The following TMEM117 variants were observed in gnomAD, a reference collection of about 807,000 sequenced individuals.
The protein encoded by TMEM117 is transmembrane protein 117.
TMEM117 carries 27 observed loss-of-function variants against 52.4 expected under a neutral mutation model. The observed-to-expected ratio is 0.51, with a 90% CI of 0.38 to 0.71. The LOEUF (loss-of-function observed/expected upper bound fraction) is 0.71. Ranked by LOEUF, TMEM117 falls within the 30% of genes least tolerant of loss-of-function variation. The pLI is 0.00. For missense variants in TMEM117, 556 were observed against 630.5 expected (o/e 0.88, Z 1.26); for synonymous variants, 215 against 206.3 (o/e 1.04, Z -0.36).
At chr12:43,876,061 C>T (rs1481681834) in intron 2 of TMEM117, among the ~76,000 whole-genome samples, 3 of 152,200 alleles carry the variant, frequency 2.0e-5, no homozygotes, top group Non-Finnish European at 4.4e-5. Context: ...TCTTCTTCCT[C>T]TCCTCCAAGA....
the TMEM117 span, among the ~76,000 whole-genome samples, chr12:43,813,973 C>G: frequency 6.6e-6 from 1 of 151,990 alleles, no homozygotes; most frequent in Admixed American, 6.6e-5. Flanking sequence ...GGGCAAAGAT[C>G]CCTAGTAGAT....
intron 6 of TMEM117, among the ~76,000 whole-genome samples, chr12:44,323,328 A>G (rs1189484173): frequency 6.6e-6 from 1 of 152,048 alleles, no homozygotes; most frequent in Non-Finnish European, 1.5e-5. Context: ...AATACACTTG[A>G]TTTTCTCCAC....
intron 5 of TMEM117, chr12:44,244,301 G>C (rs577870853): frequency 1.6e-4 from 24 of 151,982 alleles, no homozygotes; most frequent in Non-Finnish European, 2.8e-4. Flanking sequence ...TTGTCTTCTT[G>C]ATAATAGCTA....
chr12:44,282,582 TTAGGG>T (rs1950591585), intron 5 of TMEM117, among the ~76,000 whole-genome samples: 1 of 152,174 alleles, frequency 6.6e-6, no homozygotes, highest in African/African-American at 2.4e-5. Flanking sequence ...GAAAGATTAT[TTAGGG>T]TATCTGCAGA....
intron 3 of TMEM117, among the ~76,000 whole-genome samples, 165 bp from the exon 4 acceptor site, chr12:44,143,360 T>C (rs1451450159): frequency 1.3e-5 from 2 of 152,242 alleles, no homozygotes; most frequent in Non-Finnish European, 2.9e-5. Flanking sequence ...CCAGACACCC[T>C]GAGAGCTCTT....
chr12:44,180,026 A>G (rs1449654894), intron 4 of TMEM117, among the ~76,000 whole-genome samples: 2 of 152,114 alleles, frequency 1.3e-5, no homozygotes, highest in African/African-American at 4.8e-5. Context: ...AAGGTTTATA[A>G]CTAACACCAC....
At chr12:44,146,389 G>A (rs73290213) in intron 4 of TMEM117, among the ~76,000 whole-genome samples, 4,662 of 152,288 alleles carry the variant, frequency 0.031, 161 homozygotes, top group African/African-American at 0.083. Flanking sequence ...CAAGAAAACC[G>A]TGTTCTAGGT....
intron 4 of TMEM117, among the ~76,000 whole-genome samples, chr12:44,155,462 G>T (rs990021213): frequency 2.0e-5 from 3 of 152,088 alleles, no homozygotes; most frequent in African/African-American, 7.2e-5. Flanking sequence ...AATTTGTTCT[G>T]CAATACCTTT....
intron 2 of TMEM117, among the ~76,000 whole-genome samples, chr12:43,940,578 G>A (rs190501628): frequency 1.3e-4 from 19 of 151,344 alleles, no homozygotes; most frequent in African/African-American, 4.1e-4. Flanking sequence ...TTTTGCTCTT[G>A]TTGTGCAAGC....
At chr12:43,819,788 A>AAG in the TMEM117 span, among the ~76,000 whole-genome samples, 1 of 151,754 alleles carries the variant, frequency 6.6e-6, no homozygotes, top group Non-Finnish European at 1.5e-5. Flanking sequence ...AAAAGAGAGA[A>AAG]AGAGAGAGAG....
chr12:43,877,127 A>G (rs1382103393), intron 2 of TMEM117, among the ~76,000 whole-genome samples: 6 of 152,180 alleles, frequency 3.9e-5, no homozygotes, highest in African/African-American at 1.4e-4. Context: ...CCATGTACAT[A>G]CATACATTAA....
At chr12:43,804,943 C>A in the TMEM117 span, among the ~76,000 whole-genome samples, 1 of 152,178 alleles carries the variant, frequency 6.6e-6, no homozygotes, top group African/African-American at 2.4e-5. Context: ...AATTCAGTTT[C>A]AAGCTTATGA....
chr12:43,955,863 G>A (rs915831809), intron 3 of TMEM117, among the ~76,000 whole-genome samples: 3 of 152,178 alleles, frequency 2.0e-5, no homozygotes, highest in Admixed American at 6.5e-5. Flanking sequence ...AACAAAGCTG[G>A]AGGTATCATG....
intron 2 of TMEM117, among the ~76,000 whole-genome samples, chr12:43,943,440 C>T (rs1011744647): frequency 2.6e-5 from 4 of 152,044 alleles, no homozygotes; most frequent in African/African-American, 7.2e-5. Context: ...TTTCTCTGAT[C>T]GAATTCTGAT....
chr12:44,037,267 G>T (rs1043060617), intron 3 of TMEM117, among the ~76,000 whole-genome samples: 1 of 152,160 alleles, frequency 6.6e-6, no homozygotes, highest in South Asian at 2.1e-4. Context: ...AGCTGCAGGC[G>T]AGGCATCTTT....
intron 2 of TMEM117, among the ~76,000 whole-genome samples, chr12:43,887,092 G>A (rs1422007855): frequency 5.9e-5 from 9 of 152,068 alleles, no homozygotes; most frequent in Non-Finnish European, 1.0e-4. Context: ...CAAGTGACCC[G>A]CCCTCCTAGG....
At chr12:44,273,973 G>C (rs1374570121) in intron 5 of TMEM117, among the ~76,000 whole-genome samples, 1 of 151,914 alleles carries the variant, frequency 6.6e-6, no homozygotes, top group East Asian at 1.9e-4. Context: ...CGAGAAATCA[G>C]ACAAGAAAGA....
At chr12:43,972,471 G>C (rs963090561) in intron 3 of TMEM117, among the ~76,000 whole-genome samples, 1 of 152,250 alleles carries the variant, frequency 6.6e-6, no homozygotes, top group Non-Finnish European at 1.5e-5. Context: ...AGTTTCCACA[G>C]CATGGAAGGG....
intron 5 of TMEM117, among the ~76,000 whole-genome samples, chr12:44,279,723 A>G (rs1255486420): frequency 6.6e-6 from 1 of 152,122 alleles, no homozygotes; most frequent in East Asian, 1.9e-4. Flanking sequence ...TGTGTTGCCC[A>G]GGCTGGTCTT....
Sources: gnomAD v4.1 joint callset for allele counts (sites outside exome capture counted in the v4.1 genomes callset) on GRCh38, gnomAD v4.1.1 for gene constraint, MANE v1.5 for transcripts, NCBI Gene and HGNC (gene_info 2026-07-23, HGNC 2026-07-21) for gene names.